The following ANAPC1 variants were observed in gnomAD, a reference collection of about 807,000 sequenced individuals.
ANAPC1 encodes anaphase promoting complex subunit 1.
In ANAPC1, 36 loss-of-function variants were observed where a neutral mutation model predicts 208.0. The ratio of observed to expected loss-of-function variants is 0.17; its 90% CI spans 0.13 to 0.23. ANAPC1 has a LOEUF of 0.23. ANAPC1 is among the 10% of genes least tolerant of loss of function. ANAPC1 has a pLI of 1.00. For missense variants in ANAPC1, 942 were observed against 2,011.6 expected, an observed-to-expected ratio of 0.47 and a Z score of 10.17; for synonymous variants, 378 against 695.2, an observed-to-expected ratio of 0.54 and a Z score of 7.18.
At chr2:111,830,142 A>G (rs1680056525) in intron 21 of ANAPC1, among the ~76,000 whole-genome samples, 2 of 152,208 alleles carry the variant, frequency 1.3e-5, no homozygotes, top group African/African-American at 4.8e-5. Flanking sequence ...ACGCTAATCA[A>G]TTTTAAAGAC....
At chr2:111,811,245 T>C (rs1678980867) in intron 28 of ANAPC1, among the ~76,000 whole-genome samples, 1 of 149,042 alleles carries the variant, frequency 6.7e-6, no homozygotes, top group Non-Finnish European at 1.5e-5. Flanking sequence ...TGTGTCTCTT[T>C]GAGAAATTGC....
intron 38 of ANAPC1, among the ~76,000 whole-genome samples, chr2:111,788,744 A>C (rs533620906): frequency 6.6e-6 from 1 of 150,974 alleles, no homozygotes; most frequent in African/African-American, 2.5e-5. Context: ...AAAAATACAG[A>C]ATGTTGTAAT....
At chr2:111,847,234 G>A in intron 15 of ANAPC1, 36 bp from the exon 16 acceptor site, 1 of 1,540,192 alleles carries the variant, frequency 6.5e-7, no homozygotes, top group Non-Finnish European at 8.9e-7. Context: ...GATAAAATCT[G>A]TGCATTCTAA....
chr2:111,861,643 A>G (rs1342587957), intron 10 of ANAPC1, among the ~76,000 whole-genome samples: 2 of 134,832 alleles, frequency 1.5e-5, no homozygotes, highest in Non-Finnish European at 3.2e-5. Context: ...TAACTAGCAC[A>G]CACATTGGCA....
rs753333515 is a variant in ANAPC1, at chr2:111,834,808, G to C, written c.2180C>G (p.Ser727Cys). The C allele has an allele frequency of 2.5e-5, 40 of 1,611,768 alleles. 1 individual carries two copies. In the East Asian group the frequency reaches 8.7e-4, roughly 35 times the overall value. Residue 727 changes from serine to cysteine, a missense_variant, in exon 19 of 48, where the codon TCT becomes TGT. By Grantham distance (112) the Ser-to-Cys change is moderately radical (BLOSUM62 -1). Coordinates refer to ENST00000341068, the MANE Select transcript of ANAPC1 (RefSeq NM_022662.4). ...AGCTTCTGAAGGACTCAGACATAAA[G>C]ATCTGTTCAAAAGATGAGACTCAAC... ...QNVESHLLNR[S>C]LCLSPSEASQ...
At chr2:111,821,866 C>T (rs1433483934) in intron 25 of ANAPC1, 4 of 243,820 alleles carry the variant, frequency 1.6e-5, no homozygotes, top group Non-Finnish European at 2.4e-5. Context: ...TGATGAAAGA[C>T]AGTATTTCGG....
chr2:111,830,439 C>T (rs923372235), intron 21 of ANAPC1, among the ~76,000 whole-genome samples: 4 of 151,680 alleles, frequency 2.6e-5, no homozygotes, highest in Non-Finnish European at 5.9e-5. Flanking sequence ...AGAAAATCTT[C>T]AAAACCTGAA....
chr2:111,779,806 G>A, intron 44 of ANAPC1: 1 of 216,814 alleles, frequency 4.6e-6, no homozygotes. Flanking sequence ...TCACGTCACT[G>A]CACTCCAGCC....
At chr2:111,791,800 G>A (rs1573333556) in intron 38 of ANAPC1, among the ~76,000 whole-genome samples, 2 of 151,742 alleles carry the variant, frequency 1.3e-5, no homozygotes, top group South Asian at 4.2e-4. Context: ...GGTGCTGTGA[G>A]TTGAAAGTGC....
chr2:111,815,104 G>A (rs958215492), intron 28 of ANAPC1, among the ~76,000 whole-genome samples: 11 of 140,856 alleles, frequency 7.8e-5, no homozygotes, highest in African/African-American at 2.7e-5. Context: ...GCTGTTGAGA[G>A]CTTTCTTGTC....
At position 111,834,689 on chromosome 2, in the gene ANAPC1, G is replaced by A. The variant is rs1449972808; in HGVS notation, c.2299C>T (p.His767Tyr). 1 of 1,613,348 alleles carries A rather than the reference G, an allele frequency of 6.2e-7. No individual in the cohort carries two copies. The highest frequency in any genetic ancestry group is 8.5e-7 in the Non-Finnish European group (1 of 1,179,736). The change falls in exon 19 of 48, where the codon CAC becomes TAC. Residue 767 changes from histidine to tyrosine, a missense_variant. Coordinates refer to ENST00000341068, the MANE Select transcript of ANAPC1 (RefSeq NM_022662.4). ...AACTTAAGCTCCTCATACACAAGGT[G>A]AAGAACGAAAAAAATTGCAGGTATG... ...THIPAIFFVL[H>Y]LVYEELKLNT...
intron 46 of ANAPC1, among the ~76,000 whole-genome samples, chr2:111,774,825 G>A (rs1250598480): frequency 8.6e-6 from 1 of 116,052 alleles, no homozygotes; most frequent in Non-Finnish European, 1.8e-5. Flanking sequence ...TTGGTGTTGT[G>A]GTTTATTACA....
chr2:111,831,831 A>C lies in ANAPC1; in HGVS notation c.2477-397T>G, dbSNP rs1241827722. Among the ~76,000 whole-genome samples the C allele has an allele frequency of 1.5e-3, 208 of 135,480 alleles. 8 individuals carry two copies. Among genetic ancestry groups the C allele is most frequent in the Non-Finnish European group, 2.7e-3 (173 of 63,820 alleles). 88.9% of individuals were successfully genotyped at this position (135,480 alleles called of 152,430 possible). A position where few individuals can be genotyped will look rare whatever the true frequency, so the allele number is the denominator to read the frequency against. On this transcript the variant is annotated intron_variant, in intron 20 of 47. Transcript: ENST00000341068. ...GACAGAGCGAGACTCTGTCTCAAAA[A>C]AAAAAAAAAAAAAAAGAATAACGTT... is the stretch of plus-strand genomic sequence containing the variant.
chr2:111,819,952 A>G (rs1350822272), intron 26 of ANAPC1, among the ~76,000 whole-genome samples: 1 of 152,232 alleles, frequency 6.6e-6, no homozygotes, highest in African/African-American at 2.4e-5. Context: ...TGCAACCCAT[A>G]GAATTTTTTT....
chr2:111,771,981 A>G, intron 47 of ANAPC1, among the ~76,000 whole-genome samples: 1 of 149,754 alleles, frequency 6.7e-6, no homozygotes, highest in Non-Finnish European at 1.5e-5. Context: ...GCTTTGTAAT[A>G]TTAGAAATTA....
At chr2:111,866,800 T>TAA (rs59286666) in intron 7 of ANAPC1, among the ~76,000 whole-genome samples, 3,358 of 123,170 alleles carry the variant, frequency 0.027, 164 homozygotes, top group African/African-American at 0.095. Context: ...AAATTGTACT[T>TAA]AAAAAAAAAA....
intron 29 of ANAPC1, among the ~76,000 whole-genome samples, 164 bp downstream of exon 29, chr2:111,808,779 ATTAC>A (rs1678824435): frequency 6.6e-6 from 1 of 152,014 alleles, no homozygotes; most frequent in South Asian, 2.1e-4. Context: ...CTTGGATAAC[ATTAC>A]TTAGAGTTTT....
chr2:111,790,104 G>A (rs192446736), intron 38 of ANAPC1, among the ~76,000 whole-genome samples: 422 of 152,302 alleles, frequency 2.8e-3, no homozygotes, highest in African/African-American at 9.6e-3. Context: ...GGGAAAATTA[G>A]CCTACACAGA....
intron 16 of ANAPC1, among the ~76,000 whole-genome samples, chr2:111,844,594 G>A (rs1160298402): frequency 3.4e-5 from 5 of 146,662 alleles, no homozygotes; most frequent in South Asian, 4.3e-4. Flanking sequence ...AAGTCACTAT[G>A]AAAAACATAC....
Sources: gnomAD v4.1 joint callset for allele counts (sites outside exome capture counted in the v4.1 genomes callset) on GRCh38, gnomAD v4.1.1 for gene constraint, MANE v1.5 for transcripts, NCBI Gene and HGNC (gene_info 2026-07-23, HGNC 2026-07-21) for gene names.